AGK: variants seen among roughly 807,000 people sequenced by gnomAD.
The protein encoded by AGK is acylglycerol kinase, mitochondrial.
AGK carries 52 observed loss-of-function variants against 66.4 expected under a neutral mutation model. The ratio of observed to expected loss-of-function variants is 0.78; its 90% CI spans 0.63 to 0.99. The LOEUF (loss-of-function observed/expected upper bound fraction) is 0.99, where lower values mean the gene tolerates loss of function less well. AGK is among the 50% of genes least tolerant of loss of function. AGK has a pLI of 0.00. For missense variants in AGK, 451 were observed against 506.6 expected, an observed-to-expected ratio of 0.89 and a Z score of 1.05; for synonymous variants, 182 against 181.1, an observed-to-expected ratio of 1.00 and a Z score of -0.04.
intron 2 of AGK, among the ~76,000 whole-genome samples, chr7:141,565,637 CAAAA>C (rs879711580): frequency 7.7e-6 from 1 of 130,344 alleles, no homozygotes; most frequent in Non-Finnish European, 1.7e-5. Context: ...GACTTCGTCT[CAAAA>C]AAAAAAAAAA....
Position 141,654,053 on chromosome 7 carries a change from TATC to T in AGK, c.*1132_*1134del, listed in dbSNP as rs930068439. Reference sequence around the variant, plus strand: ...CATACCACTTTTCAGCCAAGAATCCTATCATAATGTAATCTATTATGCCCGACA... The same window carrying T: ...CATACCACTTTTCAGCCAAGAATCCTATAATGTAATCTATTATGCCCGACA... On this transcript the variant is annotated 3_prime_UTR_variant, in exon 16 of 16. Coordinates refer to ENST00000649286, the MANE Select transcript of AGK (RefSeq NM_018238.4). 1 of 152,228 alleles carries T rather than the reference TATC, an allele frequency of 6.6e-6. No individual in the cohort carries two copies. The highest frequency in any genetic ancestry group is 2.4e-5 in the African/African-American group (1 of 41,462). The allele number at this position is 152,228 out of a possible 1,614,324, so 9.4% of individuals were successfully genotyped here.
At chr7:141,625,532 G>T (rs1420347823) in intron 9 of AGK, among the ~76,000 whole-genome samples, 1 of 151,954 alleles carries the variant, frequency 6.6e-6, no homozygotes, top group Non-Finnish European at 1.5e-5. Context: ...AAGTTTTTTT[G>T]TATAGATGGA....
chr7:141,580,061 C>T (rs1453386135), intron 2 of AGK, among the ~76,000 whole-genome samples: 1 of 151,952 alleles, frequency 6.6e-6, no homozygotes, highest in East Asian at 1.9e-4. Flanking sequence ...GTAAAGCAGA[C>T]TTGAGAAGAG....
intron 8 of AGK, among the ~76,000 whole-genome samples, chr7:141,620,670 A>G (rs1459295971): frequency 6.6e-6 from 1 of 152,200 alleles, no homozygotes; most frequent in Non-Finnish European, 1.5e-5. Context: ...CTCTGAGAGG[A>G]GTCCCAGTCT....
chr7:141,606,487 G>A (rs1796463351), intron 5 of AGK, among the ~76,000 whole-genome samples: 1 of 152,004 alleles, frequency 6.6e-6, no homozygotes, highest in South Asian at 2.1e-4. Context: ...TAAAAAAGTA[G>A]ACTTTATTTT....
chr7:141,565,173 A>G (rs969759896), intron 2 of AGK, among the ~76,000 whole-genome samples: 1 of 152,196 alleles, frequency 6.6e-6, no homozygotes, highest in Non-Finnish European at 1.5e-5. Flanking sequence ...ATATGAAGCC[A>G]TATCCCAGAT....
intron 5 of AGK, among the ~76,000 whole-genome samples, chr7:141,610,256 C>T (rs990052356): frequency 4.6e-5 from 7 of 152,036 alleles, no homozygotes; most frequent in Non-Finnish European, 7.4e-5. Flanking sequence ...CGTGAGCCAC[C>T]GCACCTGGCC....
chr7:141,589,642 C>A (rs1174522236), intron 2 of AGK, among the ~76,000 whole-genome samples: 1 of 151,762 alleles, frequency 6.6e-6, no homozygotes, highest in Non-Finnish European at 1.5e-5. Flanking sequence ...CTCATTGCAA[C>A]CTCCGCCTCC....
chr7:141,604,825 G>T (rs974285843), intron 5 of AGK, among the ~76,000 whole-genome samples: 7 of 151,930 alleles, frequency 4.6e-5, no homozygotes, highest in Middle Eastern at 3.4e-3. Flanking sequence ...CTCGTGATCT[G>T]CCTGCCTCGG....
At position 141,565,836 on chromosome 7, in the gene AGK, C is replaced by CCT. The variant is rs747836128; in HGVS notation, c.101+10271_101+10272dup. On this transcript the variant is annotated intron_variant, in intron 2 of 15. Coordinates refer to ENST00000649286, the MANE Select transcript of AGK (RefSeq NM_018238.4). ...CGCTTGCCTGGGTTCTTAATAACAG[C>CCT]CTCCTCACTGTTCTGGCACCTACTT... 1.2e-4 allele frequency among the ~76,000 whole-genome samples: 18 copies of CCT among 152,162 alleles called. 1 individual carries two copies. Among genetic ancestry groups the CCT allele is most frequent in the Non-Finnish European group, 2.4e-4 (16 of 68,032 alleles).
chr7:141,644,187 A>G (rs892483178), intron 13 of AGK, among the ~76,000 whole-genome samples: 3 of 152,070 alleles, frequency 2.0e-5, no homozygotes, highest in African/African-American at 4.8e-5. Context: ...GTCTTTAATA[A>G]TATGTATTCC....
intron 2 of AGK, among the ~76,000 whole-genome samples, chr7:141,590,219 T>C (rs376313257): frequency 5.0e-4 from 76 of 152,300 alleles, no homozygotes; most frequent in African/African-American, 1.8e-3. Flanking sequence ...GTGCCTGAGT[T>C]GTGGCAAGGG....
intron 14 of AGK, 148 bp from the exon 15 acceptor site, chr7:141,651,377 G>T: frequency 1.5e-6 from 1 of 675,366 alleles, no homozygotes; most frequent in South Asian, 1.8e-5. Context: ...ATCACTGTTG[G>T]AAAAATTATT....
At chr7:141,649,042 C>T in intron 13 of AGK, 1 of 360,754 alleles carries the variant, frequency 2.8e-6, no homozygotes, top group Non-Finnish European at 4.8e-6. Flanking sequence ...AAAAAAAAGC[C>T]AAGCAATGGA....
At chr7:141,600,501 G>A (rs1796319513) in intron 4 of AGK, among the ~76,000 whole-genome samples, 4 of 152,084 alleles carry the variant, frequency 2.6e-5, no homozygotes, top group Admixed American at 2.6e-4. Flanking sequence ...GAATTTACAT[G>A]TCTACATTTG....
rs369572960 is a variant in AGK, at chr7:141,649,702, C to T, written c.1046+369C>T. On this transcript the variant is annotated intron_variant, in intron 14 of 15. Coordinates refer to ENST00000649286, the MANE Select transcript of AGK (RefSeq NM_018238.4). ...TCATTTAGCATCTCTGAATTCTTTC[C>T]GTCTACAGAATGAAATAATCATCTC... Among the ~76,000 whole-genome samples the T allele has an allele frequency of 3.9e-5, 6 of 152,234 alleles. No individual in the cohort carries two copies. In the South Asian group the frequency reaches 6.2e-4, roughly 16 times the overall value.
chr7:141,620,526 CAG>C (rs71172609), intron 8 of AGK, among the ~76,000 whole-genome samples: 55,120 of 151,796 alleles, frequency 0.36, 11,128 homozygotes, highest in East Asian at 0.53. Context: ...ATTGGAGAGA[CAG>C]GGGAATACAG....
intron 5 of AGK, among the ~76,000 whole-genome samples, chr7:141,610,600 C>T (rs1307364858): frequency 6.6e-6 from 1 of 152,152 alleles, no homozygotes; most frequent in Non-Finnish European, 1.5e-5. Context: ...TAATAACCTC[C>T]TTTTATTTAG....
intron 2 of AGK, among the ~76,000 whole-genome samples, chr7:141,566,886 C>T (rs995908227): frequency 6.6e-6 from 1 of 152,162 alleles, no homozygotes; most frequent in African/African-American, 2.4e-5. Context: ...GTTTGGTGAC[C>T]TGTTCTCATC....
Sources: gnomAD v4.1 joint callset for allele counts (sites outside exome capture counted in the v4.1 genomes callset) on GRCh38, gnomAD v4.1.1 for gene constraint, MANE v1.5 for transcripts, NCBI Gene and HGNC (gene_info 2026-07-23, HGNC 2026-07-21) for gene names.